The following CHCHD6 variants were observed in gnomAD, a reference collection of about 807,000 sequenced individuals.
CHCHD6 encodes the protein MICOS complex subunit MIC25.
A neutral mutation model predicts 32.3 loss-of-function variants in CHCHD6; 28 were observed. The observed-to-expected ratio is 0.87, with a 90% CI of 0.64 to 1.19. The LOEUF is 1.19. Ranked by LOEUF, CHCHD6 falls within the 50% of genes most tolerant of loss-of-function variation. CHCHD6 has a pLI of 0.00. For missense variants in CHCHD6, 333 were observed against 307.0 expected, an observed-to-expected ratio of 1.08 and a Z score of -0.63; for synonymous variants, 122 against 117.5, an observed-to-expected ratio of 1.04 and a Z score of -0.25.
At chr3:126,931,232 T>C (rs181686420) in intron 6 of CHCHD6, among the ~76,000 whole-genome samples, 103 of 152,332 alleles carry the variant, frequency 6.8e-4, no homozygotes, top group African/African-American at 2.0e-3. Context: ...TGAGGTTCTT[T>C]GTGGAGTCAG....
At chr3:126,785,098 G>A (rs981009837) in intron 4 of CHCHD6, among the ~76,000 whole-genome samples, 8 of 151,940 alleles carry the variant, frequency 5.3e-5, no homozygotes, top group African/African-American at 1.9e-4. Flanking sequence ...CAACTTGCAC[G>A]GCCATAGTAC....
intron 4 of CHCHD6, among the ~76,000 whole-genome samples, chr3:126,785,544 T>G (rs1192721053): frequency 1.3e-5 from 2 of 152,234 alleles, no homozygotes; most frequent in African/African-American, 4.8e-5. Context: ...TGTTGTACAT[T>G]TCCCTCTGAG....
chr3:126,929,541 T>C (rs1345878889), intron 6 of CHCHD6, among the ~76,000 whole-genome samples: 1 of 151,782 alleles, frequency 6.6e-6, no homozygotes, highest in African/African-American at 2.4e-5. Context: ...TTTGAATATA[T>C]AGATTCTGTC....
chr3:126,862,288 A>C (rs1941938848), intron 5 of CHCHD6, among the ~76,000 whole-genome samples: 1 of 111,782 alleles, frequency 8.9e-6, no homozygotes, highest in Non-Finnish European at 1.9e-5. Flanking sequence ...TACCATCACC[A>C]CCTCCTCCTC....
At chr3:126,841,894 A>C (rs1298815732) in intron 4 of CHCHD6, among the ~76,000 whole-genome samples, 1 of 152,130 alleles carries the variant, frequency 6.6e-6, no homozygotes, top group Non-Finnish European at 1.5e-5. Context: ...AGCCTGGGTG[A>C]AGGAGCAAGA....
At chr3:126,857,285 A>G (rs890687292) in intron 5 of CHCHD6, among the ~76,000 whole-genome samples, 1 of 152,114 alleles carries the variant, frequency 6.6e-6, no homozygotes, top group African/African-American at 2.4e-5. Context: ...ACTTTATCCA[A>G]ACTCAGCAGC....
intron 5 of CHCHD6, chr3:126,865,710 C>G (rs551078126): frequency 3.0e-6 from 3 of 985,414 alleles, no homozygotes; most frequent in South Asian, 4.7e-5. Flanking sequence ...TTACCCTCTT[C>G]CCTGAGTCTA....
intron 4 of CHCHD6, among the ~76,000 whole-genome samples, chr3:126,759,843 T>A (rs900737767): frequency 6.6e-6 from 1 of 152,216 alleles, no homozygotes; most frequent in African/African-American, 2.4e-5. Context: ...CTGGGTAGTT[T>A]ATAAAGAAGA....
At chr3:126,917,841 C>A (rs2078193511) in intron 6 of CHCHD6, among the ~76,000 whole-genome samples, 7 of 152,074 alleles carry the variant, frequency 4.6e-5, no homozygotes, top group Admixed American at 4.6e-4. Context: ...GAGAAGACAC[C>A]ATCTATGAAT....
At chr3:126,803,615 G>A (rs1374923322) in intron 4 of CHCHD6, among the ~76,000 whole-genome samples, 2 of 152,128 alleles carry the variant, frequency 1.3e-5, no homozygotes, top group Non-Finnish European at 2.9e-5. Context: ...CAATAATAAT[G>A]GGAGACTTTA....
At chr3:126,719,330 G>A (rs761771550) in intron 1 of CHCHD6, among the ~76,000 whole-genome samples, 15 of 152,204 alleles carry the variant, frequency 9.9e-5, no homozygotes, top group African/African-American at 1.4e-4. Flanking sequence ...CTGGGCGGGC[G>A]TCTTAACAGG....
chr3:126,903,593 T>G (rs2107584320), intron 5 of CHCHD6, among the ~76,000 whole-genome samples: 1 of 152,346 alleles, frequency 6.6e-6, no homozygotes, highest in South Asian at 2.1e-4. Flanking sequence ...AGATAGTCAT[T>G]TAGTCAAATA....
At chr3:126,704,468 G>C (rs568339846) in intron 1 of CHCHD6, 69 bp downstream of exon 1, 5 of 996,838 alleles carry the variant, frequency 5.0e-6, no homozygotes, top group Non-Finnish European at 6.8e-6. Context: ...GCGGGGCGGA[G>C]CGCAGGGCCG....
At chr3:126,865,147 C>CCA (rs1264379223) in intron 5 of CHCHD6, among the ~76,000 whole-genome samples, 51 of 59,812 alleles carry the variant, frequency 8.5e-4, no homozygotes, top group Non-Finnish European at 1.4e-3. Flanking sequence ...ACCACCACCT[C>CCA]CTTTTCCACC....
intron 4 of CHCHD6, among the ~76,000 whole-genome samples, chr3:126,849,325 C>A (rs1039491928): frequency 5.3e-5 from 8 of 152,356 alleles, no homozygotes; most frequent in African/African-American, 1.9e-4. Flanking sequence ...TGGCTTCAGC[C>A]TCACCCACTG....
At chr3:126,741,416 A>G (rs1936284650) in intron 4 of CHCHD6, among the ~76,000 whole-genome samples, 1 of 151,740 alleles carries the variant, frequency 6.6e-6, no homozygotes, top group African/African-American at 2.4e-5. Context: ...TTCTCTGGAG[A>G]GAGAAGCTGA....
At chr3:126,713,552 G>A (rs1469843039) in intron 1 of CHCHD6, among the ~76,000 whole-genome samples, 2 of 152,184 alleles carry the variant, frequency 1.3e-5, no homozygotes, top group African/African-American at 4.8e-5. Flanking sequence ...CTGGCCAGGT[G>A]GAAGTGTTGC....
At chr3:126,751,434 C>T (rs552981959) in intron 4 of CHCHD6, among the ~76,000 whole-genome samples, 6 of 139,858 alleles carry the variant, frequency 4.3e-5, no homozygotes, top group Non-Finnish European at 7.6e-5. Flanking sequence ...CCTTGGAGGT[C>T]GAGGTTGCAG....
At chr3:126,870,827 T>C (rs2077458217) in intron 5 of CHCHD6, among the ~76,000 whole-genome samples, 1 of 152,252 alleles carries the variant, frequency 6.6e-6, no homozygotes, top group African/African-American at 2.4e-5. Flanking sequence ...ACTGCATTTC[T>C]GGACCATAAA....
Sources: gnomAD v4.1 joint callset for allele counts (sites outside exome capture counted in the v4.1 genomes callset) on GRCh38, gnomAD v4.1.1 for gene constraint, MANE v1.5 for transcripts, NCBI Gene and HGNC (gene_info 2026-07-23, HGNC 2026-07-21) for gene names.